Variants in PGAP1 observed in about 807,000 individuals in gnomAD.
PGAP1 encodes the protein GPI inositol-deacylase.
PGAP1 carries 76 observed loss-of-function variants against 127.0 expected under a neutral mutation model. The ratio of observed to expected loss-of-function variants is 0.60; its 90% CI spans 0.50 to 0.72. PGAP1 has a LOEUF of 0.72. Among genes scored for constraint, PGAP1 ranks in the 30% least tolerant of loss-of-function variants. The pLI is 0.00. For missense variants in PGAP1, 982 were observed against 1,071.3 expected (o/e 0.92, Z 1.16); for synonymous variants, 362 against 366.5 (o/e 0.99, Z 0.14).
Position 196,835,266 on chromosome 2 carries a change from C to T in PGAP1, c.*5968G>A, listed in dbSNP as rs964432226. ...TTGTACTATGTTAGGTTCCAGTGGA[C>T]AAGTTCCCCTGTGAAACATGTGACT... On this transcript the variant is annotated 3_prime_UTR_variant, in exon 27 of 27. Coordinates refer to ENST00000354764, the MANE Select transcript of PGAP1 (RefSeq NM_024989.4). 5.9e-5 allele frequency: 9 copies of T among 151,914 alleles called. No individual in the cohort carries two copies. The highest frequency in any genetic ancestry group is 2.2e-4 in the African/African-American group (9 of 41,390). 9.4% of individuals were successfully genotyped at this position (151,914 alleles called of 1,614,324 possible).
Position 196,873,532 on chromosome 2 carries a change from G to T in PGAP1, c.1548C>A (p.Val516=). ...TTTTTTAGAAAACATATTTACCTTT[G>T]ACTGCTGAGCACTTGCTTACCACGT... is the stretch of plus-strand genomic sequence containing the variant. ...KINVVSKCSA[V]KEEITSIYRL... is the part of the protein sequence containing the mutation. The change falls in exon 16 of 27, where the codon GTC becomes GTA. Residue 516 remains valine (V), a synonymous_variant. Transcript: ENST00000354764. 2 of 1,606,938 alleles carry T rather than the reference G, an allele frequency of 1.2e-6. No individual in the cohort carries two copies. The highest frequency in any genetic ancestry group is 1.1e-5 in the South Asian group (1 of 90,454).
rs140524792 is a variant in PGAP1, at chr2:196,842,274, G to C, written c.2630+447C>G. ...GATTCTAAAATATCTGCAAATATCT[G>C]GCAGAATCAACTGAAAAGACTCCCA... On this transcript the variant is annotated intron_variant, in intron 26 of 26. Coordinates refer to ENST00000354764, the MANE Select transcript of PGAP1 (RefSeq NM_024989.4). Among the ~76,000 whole-genome samples, 30 of 152,180 alleles carry C rather than the reference G, an allele frequency of 2.0e-4. No individual in the cohort carries two copies. In the East Asian group the frequency reaches 3.3e-3, roughly 17 times the overall value.
chr2:196,881,363 T>C (rs1052408816), intron 12 of PGAP1, among the ~76,000 whole-genome samples: 11 of 152,230 alleles, frequency 7.2e-5, no homozygotes, highest in East Asian at 1.9e-4. Flanking sequence ...GAATGCTTTA[T>C]ATTCCTTTGG....
At chr2:196,903,211 G>C (rs1250630387) in intron 4 of PGAP1, among the ~76,000 whole-genome samples, 1 of 151,508 alleles carries the variant, frequency 6.6e-6, no homozygotes, top group African/African-American at 2.4e-5. Context: ...TGTTATATAT[G>C]TGCGGTATTT....
rs866359436 is a variant in PGAP1, at chr2:196,864,005, A to C, written c.1861+982T>G. 7.9e-5 allele frequency among the ~76,000 whole-genome samples: 12 copies of C among 152,338 alleles called. No individual in the cohort carries two copies. The Middle Eastern group carries it at 0.01, about 130-fold the overall frequency. ...CTAATTATCCTGATTTGATCTTAAC[A>C]CATTATATGAATGTGTCAAAATATC... On this transcript the variant is annotated intron_variant, in intron 20 of 26. Coordinates refer to ENST00000354764, the MANE Select transcript of PGAP1 (RefSeq NM_024989.4).
At chr2:196,880,431 TA>T (rs1428612971) in intron 12 of PGAP1, among the ~76,000 whole-genome samples, 1 of 152,090 alleles carries the variant, frequency 6.6e-6, no homozygotes, top group African/African-American at 2.4e-5. Context: ...TAAATTTAAT[TA>T]TTATCTATAA....
intron 21 of PGAP1, chr2:196,847,538 T>C: frequency 5.3e-6 from 1 of 189,792 alleles, no homozygotes. Context: ...TAACCAAAAA[T>C]CTGAAAATGT....
intron 21 of PGAP1, chr2:196,847,574 C>T (rs1297619226): frequency 5.2e-6 from 1 of 192,234 alleles, no homozygotes; most frequent in Admixed American, 5.6e-5. Context: ...GGAATGTTAA[C>T]TAGGGTAGAG....
chr2:196,904,406 C>A (rs2125829036), intron 4 of PGAP1, among the ~76,000 whole-genome samples: 1 of 152,290 alleles, frequency 6.6e-6, no homozygotes, highest in East Asian at 1.9e-4. Context: ...GAGACCCACA[C>A]AGGTCTTAGA....
intron 5 of PGAP1, among the ~76,000 whole-genome samples, chr2:196,900,933 A>G (rs111816334): frequency 1.6e-4 from 24 of 145,668 alleles, no homozygotes; most frequent in African/African-American, 5.3e-4. Context: ...TCTCAAAAAA[A>G]AAGAAAAAAA....
chr2:196,914,948 C>T lies in PGAP1; in HGVS notation c.477+1470G>A, dbSNP rs1173871998. 2.6e-5 allele frequency among the ~76,000 whole-genome samples: 4 copies of T among 151,908 alleles called. No individual in the cohort carries two copies. In the East Asian group the frequency reaches 7.7e-4, roughly 29 times the overall value. ...CCTCCTACCTCAGCCTCCCAAGTAG[C>T]TGGGACTACAAGTGTGCACCACCAC... On this transcript the variant is annotated intron_variant, in intron 3 of 26. Transcript: ENST00000354764.
At chr2:196,868,989 A>T (rs1023997790) in intron 19 of PGAP1, among the ~76,000 whole-genome samples, 1 of 152,072 alleles carries the variant, frequency 6.6e-6, no homozygotes, top group African/African-American at 2.4e-5. Context: ...TATTTTTTTA[A>T]TTTTTTTATA....
rs1404376058 is a variant in PGAP1 at position 196,836,554 on chromosome 2, T to G, written c.*4680A>C. On this transcript the variant is annotated 3_prime_UTR_variant, in exon 27 of 27. Transcript: ENST00000354764. ...TTACTGACCTGACTTTTCTTTCCTA[T>G]TATTCTTATTAAAAGTAAAGAATGG... The G allele has an allele frequency of 2.0e-5, 3 of 152,198 alleles. No homozygotes were observed. Among genetic ancestry groups the G allele is most frequent in the African/African-American group, 7.2e-5 (3 of 41,474 alleles). The allele number at this position is 152,198 out of a possible 1,614,324, so 9.4% of individuals were successfully genotyped here. A position where few individuals can be genotyped will look rare whatever the true frequency, so the allele number is the denominator to read the frequency against.
Position 196,838,993 on chromosome 2 carries a change from G to C in PGAP1, c.*2241C>G, listed in dbSNP as rs1017147662. The C allele has an allele frequency of 6.6e-6, 1 of 152,616 alleles. No individual in the cohort carries two copies. Among genetic ancestry groups the C allele is most frequent in the Non-Finnish European group, 1.5e-5 (1 of 68,296 alleles). 9.5% of individuals were successfully genotyped at this position (152,616 alleles called of 1,614,324 possible). On this transcript the variant is annotated 3_prime_UTR_variant, in exon 27 of 27. Transcript: ENST00000354764. Reference sequence around the variant, plus strand: ...TGGGAGGTGGAGGTTGCAGTGAGCTGAAATCGCGCCACTGCACTCCAGCCT... The same window carrying C: ...TGGGAGGTGGAGGTTGCAGTGAGCTCAAATCGCGCCACTGCACTCCAGCCT...
Position 196,904,400 on chromosome 2 carries a change from C to T in PGAP1, c.650-1658G>A, listed in dbSNP as rs138120715. Among the ~76,000 whole-genome samples, 210 of 152,204 alleles carry T rather than the reference C, an allele frequency of 1.4e-3. 1 individual carries two copies. Among genetic ancestry groups the T allele is most frequent in the African/African-American group, 4.9e-3 (202 of 41,536 alleles). On this transcript the variant is annotated intron_variant, in intron 4 of 26. Coordinates refer to ENST00000354764, the MANE Select transcript of PGAP1 (RefSeq NM_024989.4). Reference sequence around the variant, plus strand: ...CAGGAAAACAAAGAAAATGAAGAGACCCACACAGGTCTTAGAAGCAGGCTT... The same window carrying T: ...CAGGAAAACAAAGAAAATGAAGAGATCCACACAGGTCTTAGAAGCAGGCTT...
At chr2:196,914,483 T>C (rs1186072076) in intron 3 of PGAP1, among the ~76,000 whole-genome samples, 3 of 152,022 alleles carry the variant, frequency 2.0e-5, no homozygotes, top group Non-Finnish European at 4.4e-5. Context: ...TAGCTGGGCG[T>C]GGTGGCACAT....
At chr2:196,889,126 G>A (rs1409695777) in intron 10 of PGAP1, among the ~76,000 whole-genome samples, 1 of 152,026 alleles carries the variant, frequency 6.6e-6, no homozygotes, top group Admixed American at 6.6e-5. Flanking sequence ...CCTCCCATCA[G>A]CCAAATGAAT....
intron 12 of PGAP1, among the ~76,000 whole-genome samples, chr2:196,884,041 A>C (rs76296936): frequency 0.01 from 1,546 of 152,312 alleles, 24 homozygotes; most frequent in African/African-American, 0.035. Flanking sequence ...TTTGATATAG[A>C]GACTGATTAA....
chr2:196,914,913 C>A (rs1019121111), intron 3 of PGAP1, among the ~76,000 whole-genome samples: 1 of 151,432 alleles, frequency 6.6e-6, no homozygotes, highest in Middle Eastern at 3.2e-3. Context: ...CTCCTAGGCT[C>A]CGAGTAGATC....
Sources: gnomAD v4.1 joint callset for allele counts (sites outside exome capture counted in the v4.1 genomes callset) on GRCh38, gnomAD v4.1.1 for gene constraint, MANE v1.5 for transcripts, NCBI Gene and HGNC (gene_info 2026-07-23, HGNC 2026-07-21) for gene names.